Variants in EDRF1 observed in about 807,000 individuals in gnomAD.
EDRF1 encodes the protein erythroid differentiation regulatory factor 1, also known as erythroid differentiation-related factor 1.
A neutral mutation model predicts 148.7 loss-of-function variants in EDRF1; 69 were observed. That is an observed-to-expected ratio of 0.46 (90% CI 0.38 to 0.57). The LOEUF (loss-of-function observed/expected upper bound fraction) is 0.57. EDRF1 is among the 20% of genes least tolerant of loss of function. The pLI is 0.00. For missense variants in EDRF1, 1,118 were observed against 1,478.7 expected (o/e 0.76, Z 4.00); for synonymous variants, 515 against 532.8 (o/e 0.97, Z 0.46).
chr10:125,745,559 G>T, intron 18 of EDRF1, 148 bp from the exon 19 acceptor site: 1 of 744,494 alleles, frequency 1.3e-6, no homozygotes. Flanking sequence ...CAGGCATGGT[G>T]AGAGCAATGA....
At chr10:125,757,394 G>C (rs1047074819) in intron 24 of EDRF1, among the ~76,000 whole-genome samples, 4 of 151,988 alleles carry the variant, frequency 2.6e-5, no homozygotes, top group African/African-American at 9.7e-5. Flanking sequence ...CCTTCCTCCC[G>C]TCTTTTGTAC....
At chr10:125,734,286 T>TA (rs1848626191) in intron 12 of EDRF1, 103 bp downstream of exon 12, 2 of 880,090 alleles carry the variant, frequency 2.3e-6, no homozygotes, top group Admixed American at 3.7e-5. Flanking sequence ...GTAACTGCCC[T>TA]ATTCAGTGTG....
chr10:125,742,290 G>A, intron 17 of EDRF1: 1 of 1,287,502 alleles, frequency 7.8e-7, no homozygotes, highest in South Asian at 1.2e-5. Context: ...TCAGCACAGT[G>A]TGTAACCACG....
At chr10:125,728,808 G>A (rs375388137) in intron 6 of EDRF1, among the ~76,000 whole-genome samples, 195 bp from the exon 7 acceptor site, 20 of 152,212 alleles carry the variant, frequency 1.3e-4, no homozygotes, top group East Asian at 5.8e-4. Context: ...AATGTGATTC[G>A]CTTCTTATAG....
chr10:125,757,014 T>C (rs560709422), intron 24 of EDRF1: 48 of 427,980 alleles, frequency 1.1e-4, no homozygotes, highest in African/African-American at 9.2e-4. Flanking sequence ...GGTCTTGCCA[T>C]GTTGCCCAGG....
intron 24 of EDRF1, among the ~76,000 whole-genome samples, chr10:125,762,474 C>A (rs1169251779): frequency 6.6e-6 from 1 of 150,410 alleles, no homozygotes; most frequent in Admixed American, 6.6e-5. Context: ...CCAGGGGTCT[C>A]CACCTGGACT....
intron 15 of EDRF1, among the ~76,000 whole-genome samples, chr10:125,740,135 G>A (rs7906003): frequency 0.012 from 1,900 of 152,320 alleles, 58 homozygotes; most frequent in African/African-American, 0.042. Flanking sequence ...GATCTAAGCT[G>A]TGCTTTAGGA....
At chr10:125,727,552 G>A (rs1318538247) in intron 6 of EDRF1, among the ~76,000 whole-genome samples, 1 of 152,174 alleles carries the variant, frequency 6.6e-6, no homozygotes. Context: ...CGGTTCATGA[G>A]TTGATAACTT....
chr10:125,736,955 G>A (rs1282110586), intron 13 of EDRF1, among the ~76,000 whole-genome samples: 2 of 151,956 alleles, frequency 1.3e-5, no homozygotes, highest in East Asian at 3.9e-4. Context: ...TCACTAGAAC[G>A]TAAGCTCCCT....
chr10:125,731,381 T>TAG (rs1289968650), intron 9 of EDRF1, among the ~76,000 whole-genome samples: 1 of 152,200 alleles, frequency 6.6e-6, no homozygotes. Context: ...AGGGACATCT[T>TAG]AACTGAGTCC....
At chr10:125,762,283 A>T (rs1322521275) in intron 24 of EDRF1, among the ~76,000 whole-genome samples, 1 of 152,184 alleles carries the variant, frequency 6.6e-6, no homozygotes, top group Non-Finnish European at 1.5e-5. Context: ...TGAAATTGGA[A>T]AACATGACAT....
In EDRF1 at chr10:125,749,453, A is replaced by G; in HGVS notation, c.3165A>G (p.Ala1055=). The change falls in exon 22 of 25, where the codon GCA becomes GCG. Residue 1055 remains alanine, a synonymous_variant. Transcript: ENST00000356792. The part of the protein sequence containing the change: ...EHLRKQHRVL[A]DLHYSKAAKL... ...TTAGGAAACAACACCGGGTGCTGGCAGATCTTCATTACAGCAAGGCCGCAA... is the reference window on the plus strand; with the variant it reads ...TTAGGAAACAACACCGGGTGCTGGCGGATCTTCATTACAGCAAGGCCGCAA... 1 of 1,614,226 alleles carries G rather than the reference A, an allele frequency of 6.2e-7. No homozygotes were observed. Among genetic ancestry groups the G allele is most frequent in the Non-Finnish European group, 8.5e-7 (1 of 1,180,032 alleles).
At chr10:125,743,595 G>T (rs1849147943) in intron 18 of EDRF1, among the ~76,000 whole-genome samples, 1 of 152,148 alleles carries the variant, frequency 6.6e-6, no homozygotes, top group African/African-American at 2.4e-5. Context: ...CTTCATGTTG[G>T]GAAGCTAGAT....
At chr10:125,757,344 A>G (rs1849953214) in intron 24 of EDRF1, among the ~76,000 whole-genome samples, 1 of 152,218 alleles carries the variant, frequency 6.6e-6, no homozygotes, top group Non-Finnish European at 1.5e-5. Flanking sequence ...ATACTGCTTT[A>G]CATGTACTGT....
intron 5 of EDRF1, 27 bp downstream of exon 5, chr10:125,725,469 A>G (rs1325579279): frequency 6.2e-7 from 1 of 1,613,404 alleles, no homozygotes; most frequent in Non-Finnish European, 8.5e-7. Flanking sequence ...TTATCTCTAA[A>G]GAGAAAAAGG....
intron 23 of EDRF1, 70 bp from the exon 24 acceptor site, chr10:125,753,624 C>T: frequency 6.5e-7 from 1 of 1,548,448 alleles, no homozygotes; most frequent in Non-Finnish European, 8.9e-7. Context: ...ACTGCAGTTC[C>T]ATCACTTGGT....
At chr10:125,752,995 A>T (rs1348183565) in intron 23 of EDRF1, 81 bp downstream of exon 23, 2 of 967,388 alleles carry the variant, frequency 2.1e-6, no homozygotes, top group Non-Finnish European at 3.3e-6. Flanking sequence ...GTGTGTGTGT[A>T]TGTGTGTGGG....
intron 15 of EDRF1, among the ~76,000 whole-genome samples, chr10:125,739,515 C>G (rs1848905862): frequency 6.6e-6 from 1 of 152,162 alleles, no homozygotes; most frequent in Admixed American, 6.5e-5. Flanking sequence ...CACACACATG[C>G]ACACACACGG....
chr10:125,746,293 A>G (rs1005274716), intron 19 of EDRF1, among the ~76,000 whole-genome samples: 1 of 152,238 alleles, frequency 6.6e-6, no homozygotes, highest in Non-Finnish European at 1.5e-5. Flanking sequence ...TGGCACAGTA[A>G]GCAGAAATCC....
Sources: gnomAD v4.1 joint callset for allele counts (sites outside exome capture counted in the v4.1 genomes callset) on GRCh38, gnomAD v4.1.1 for gene constraint, MANE v1.5 for transcripts, NCBI Gene and HGNC (gene_info 2026-07-23, HGNC 2026-07-21) for gene names.